NUMB: variants seen among roughly 807,000 people sequenced by gnomAD.
The protein encoded by NUMB is protein numb homolog.
A neutral mutation model predicts 59.7 loss-of-function variants in NUMB; 29 were observed. That is an observed-to-expected ratio of 0.49 (90% CI 0.36 to 0.66). NUMB has a LOEUF of 0.66. Ranked by LOEUF, NUMB falls within the 30% of genes least tolerant of loss-of-function variation. The probability of loss-of-function intolerance (pLI) is 0.00; values close to 1 mark genes in which losing one functional copy is unlikely to be tolerated. For synonymous variants in NUMB, 288 were observed against 288.2 expected (o/e 1.00, Z 0.01); for missense variants, 723 against 822.0 (o/e 0.88, Z 1.47).
chr14:73,396,749 C>G (rs182279810), intron 2 of NUMB, among the ~76,000 whole-genome samples: 1 of 152,008 alleles, frequency 6.6e-6, no homozygotes, highest in Non-Finnish European at 1.5e-5. Context: ...ATCATCAGAC[C>G]AATCAGATAA....
chr14:73,313,060 C>A (rs2139893250), intron 6 of NUMB, among the ~76,000 whole-genome samples: 1 of 150,990 alleles, frequency 6.6e-6, no homozygotes, highest in South Asian at 2.1e-4. Context: ...GATCTAGGCT[C>A]ACTGCAACCT....
intron 2 of NUMB, among the ~76,000 whole-genome samples, chr14:73,403,156 T>C (rs1434274784): frequency 6.6e-6 from 1 of 152,232 alleles, no homozygotes; most frequent in East Asian, 1.9e-4. Context: ...CATAGTCTTT[T>C]TCCTTCTTCC....
chr14:73,402,341 C>T (rs1466690303), intron 2 of NUMB, among the ~76,000 whole-genome samples: 1 of 152,080 alleles, frequency 6.6e-6, no homozygotes, highest in Non-Finnish European at 1.5e-5. Flanking sequence ...GATCCTAAAA[C>T]ATAAAAATAA....
chr14:73,373,705 CTTTTTT>C (rs558452695), intron 2 of NUMB, among the ~76,000 whole-genome samples: 3 of 127,732 alleles, frequency 2.3e-5, no homozygotes, highest in African/African-American at 5.8e-5. Context: ...GGAAAGCTTC[CTTTTTT>C]TTTTTTTTTT....
intron 1 of NUMB, among the ~76,000 whole-genome samples, chr14:73,420,444 AT>A (rs953591643): frequency 1.1e-4 from 16 of 151,236 alleles, no homozygotes; most frequent in South Asian, 4.2e-4. Context: ...ATTGATTCAC[AT>A]TTTTTTTTCA....
chr14:73,424,258 A>G (rs927278771), intron 1 of NUMB, among the ~76,000 whole-genome samples: 2 of 152,180 alleles, frequency 1.3e-5, no homozygotes, highest in African/African-American at 4.8e-5. Flanking sequence ...AGCAACTATG[A>G]CAAGCAGTGT....
intron 2 of NUMB, among the ~76,000 whole-genome samples, chr14:73,390,036 A>G (rs1379401547): frequency 6.6e-6 from 1 of 152,250 alleles, no homozygotes; most frequent in Non-Finnish European, 1.5e-5. Flanking sequence ...GGAAAATGAC[A>G]GATGAGAAAA....
intron 2 of NUMB, among the ~76,000 whole-genome samples, chr14:73,368,805 C>T (rs942176121): frequency 6.6e-6 from 1 of 151,976 alleles, no homozygotes; most frequent in Non-Finnish European, 1.5e-5. Flanking sequence ...GCACAAATTG[C>T]AACATTTCTT....
At chr14:73,455,007 C>T (rs1884251625) in intron 1 of NUMB, among the ~76,000 whole-genome samples, 1 of 152,030 alleles carries the variant, frequency 6.6e-6, no homozygotes, top group African/African-American at 2.4e-5. Flanking sequence ...ACTTATGTCA[C>T]AGAAAAAAAG....
At chr14:73,436,974 T>C (rs1220960550) in intron 1 of NUMB, among the ~76,000 whole-genome samples, 4 of 146,980 alleles carry the variant, frequency 2.7e-5, no homozygotes, top group African/African-American at 9.9e-5. Context: ...CAAGACTCCA[T>C]CTCAAAAAAA....
chr14:73,401,127 A>AG (rs560122659), intron 2 of NUMB, among the ~76,000 whole-genome samples: 162 of 152,304 alleles, frequency 1.1e-3, no homozygotes, highest in African/African-American at 3.8e-3. Flanking sequence ...GTTAAAATGT[A>AG]GGATACCCAG....
At chr14:73,346,371 T>C in intron 4 of NUMB, among the ~76,000 whole-genome samples, 1 of 151,434 alleles carries the variant, frequency 6.6e-6, no homozygotes, top group Non-Finnish European at 1.5e-5. Flanking sequence ...TCCCAACTAC[T>C]CGGGAGGCTG....
intron 4 of NUMB, among the ~76,000 whole-genome samples, chr14:73,354,833 A>AAAAAAAAAAAAAG: frequency 6.6e-6 from 1 of 151,002 alleles, no homozygotes; most frequent in Non-Finnish European, 1.5e-5. Context: ...GCCTCAAAAA[A>AAAAAAAAAAAAAG]AAAAAGGAAT....
At chr14:73,320,233 T>C (rs866598136) in intron 5 of NUMB, among the ~76,000 whole-genome samples, 2 of 152,324 alleles carry the variant, frequency 1.3e-5, no homozygotes, top group South Asian at 4.1e-4. Context: ...TAATAATACA[T>C]GCCAGTGCAA....
rs145136767 is a variant in NUMB, at chr14:73,275,949, G to C, written c.*629C>G. On this transcript the variant is annotated 3_prime_UTR_variant, in exon 13 of 13. Transcript: ENST00000555238. ...CAACTCATACAACTTCTTAATATCT[G>C]AGAACTATTTAAAATATTCTAAATG... 5.2e-3 allele frequency: 793 copies of C among 152,706 alleles called. 7 individuals are homozygous for C. Among genetic ancestry groups the C allele is most frequent in the Non-Finnish European group, 6.2e-3 (419 of 68,030 alleles). 9.5% of individuals were successfully genotyped at this position (152,706 alleles called of 1,614,324 possible).
intron 4 of NUMB, among the ~76,000 whole-genome samples, chr14:73,339,347 C>T (rs1426935184): frequency 6.6e-6 from 1 of 152,090 alleles, no homozygotes; most frequent in Admixed American, 6.6e-5. Context: ...TCTGCCTGTA[C>T]CTTTTGCTCT....
At chr14:73,408,251 CGT>C (rs1896764680) in intron 2 of NUMB, among the ~76,000 whole-genome samples, 3 of 51,474 alleles carry the variant, frequency 5.8e-5, no homozygotes, top group Admixed American at 4.3e-4. Context: ...AAAGAAAAAA[CGT>C]TAAGATATTT....
chr14:73,366,589 T>C (rs1894356075), intron 3 of NUMB, among the ~76,000 whole-genome samples: 1 of 152,172 alleles, frequency 6.6e-6, no homozygotes, highest in South Asian at 2.1e-4. Flanking sequence ...GGAAAACTGA[T>C]GTATGGAAAA....
At chr14:73,399,913 T>A (rs996738886) in intron 2 of NUMB, among the ~76,000 whole-genome samples, 5 of 151,126 alleles carry the variant, frequency 3.3e-5, no homozygotes, top group Admixed American at 6.6e-5. Flanking sequence ...TGTCGTGGCA[T>A]CTGTAATCCC....
Sources: gnomAD v4.1 joint callset for allele counts (sites outside exome capture counted in the v4.1 genomes callset) on GRCh38, gnomAD v4.1.1 for gene constraint, MANE v1.5 for transcripts, NCBI Gene and HGNC (gene_info 2026-07-23, HGNC 2026-07-21) for gene names.